The following SPMAP2L variants were observed in gnomAD, a reference collection of about 807,000 sequenced individuals.
The protein encoded by SPMAP2L is sperm microtubule associated protein 2 like.
At chr4:56,570,647 T>C in the SPMAP2L span, among the ~76,000 whole-genome samples, 1 of 151,880 alleles carries the variant, frequency 6.6e-6, no homozygotes, top group Admixed American at 6.6e-5. Context: ...AGTGAGGGAG[T>C]GGTGAGTGAA....
the SPMAP2L span, chr4:56,575,687 C>T: frequency 1.3e-6 from 2 of 1,514,290 alleles, no homozygotes; most frequent in Non-Finnish European, 1.8e-6. Context: ...CTAATTTGGC[C>T]AGATGTCTTA....
the SPMAP2L span, chr4:56,584,670 C>A: frequency 1.7e-6 from 2 of 1,145,154 alleles, no homozygotes; most frequent in South Asian, 1.3e-5. Flanking sequence ...GCTGCCTACC[C>A]TCTTTTTCTA....
the SPMAP2L span, among the ~76,000 whole-genome samples, chr4:56,601,559 C>T: frequency 6.6e-6 from 1 of 151,758 alleles, no homozygotes; most frequent in African/African-American, 2.4e-5. Context: ...AGGAGTTTGA[C>T]ATCAGCCTAG....
chr4:56,593,391 G>T, the SPMAP2L span: 4 of 1,326,238 alleles, frequency 3.0e-6, no homozygotes, highest in Non-Finnish European at 4.4e-6. Context: ...TCATTGAGCT[G>T]AAGTTACCCT....
At chr4:56,580,626 T>A in the SPMAP2L span, among the ~76,000 whole-genome samples, 3 of 151,172 alleles carry the variant, frequency 2.0e-5, no homozygotes, top group Non-Finnish European at 4.4e-5. Context: ...ACCAGGGCAA[T>A]TAGGCATGAA....
the SPMAP2L span, chr4:56,593,095 G>A: frequency 3.2e-6 from 5 of 1,578,980 alleles, no homozygotes; most frequent in Non-Finnish European, 8.7e-7. Flanking sequence ...TGCCACAGAC[G>A]ATTTTGCGGA....
chr4:56,600,910 T>C, the SPMAP2L span: 1 of 1,522,798 alleles, frequency 6.6e-7, no homozygotes, highest in Non-Finnish European at 8.8e-7. Context: ...GATATATTTT[T>C]GTGTCTCTTT....
the SPMAP2L span, among the ~76,000 whole-genome samples, chr4:56,537,076 T>G: frequency 4.7e-3 from 708 of 152,170 alleles, 5 homozygotes; most frequent in African/African-American, 0.016. Flanking sequence ...TGTATTAGTA[T>G]TATTATCTCA....
At chr4:56,577,538 A>G in the SPMAP2L span, among the ~76,000 whole-genome samples, 1 of 152,110 alleles carries the variant, frequency 6.6e-6, no homozygotes, top group African/African-American at 2.4e-5. Context: ...GTGAGCAGAG[A>G]TTGCGCCACT....
At chr4:56,600,356 T>C in the SPMAP2L span, among the ~76,000 whole-genome samples, 2 of 152,086 alleles carry the variant, frequency 1.3e-5, no homozygotes, top group African/African-American at 4.8e-5. Context: ...TGCTGTAGTG[T>C]GATCTTGGCT....
At chr4:56,583,302 G>T in the SPMAP2L span, among the ~76,000 whole-genome samples, 1 of 146,870 alleles carries the variant, frequency 6.8e-6, no homozygotes, top group Non-Finnish European at 1.5e-5. Context: ...AAAAAAAAAA[G>T]AAATTCCGGA....
chr4:56,601,741 A>G, the SPMAP2L span, among the ~76,000 whole-genome samples: 1 of 152,194 alleles, frequency 6.6e-6, no homozygotes, highest in African/African-American at 2.4e-5. Flanking sequence ...CAGGCAGCAG[A>G]GTAAGACCTT....
At chr4:56,549,144 A>G in the SPMAP2L span, among the ~76,000 whole-genome samples, 19 of 151,796 alleles carry the variant, frequency 1.3e-4, no homozygotes, top group African/African-American at 4.6e-4. Context: ...ATGTGCCACC[A>G]CACCCAGCTA....
the SPMAP2L span, chr4:56,531,249 TC>T: frequency 6.9e-7 from 1 of 1,440,552 alleles, no homozygotes; most frequent in Non-Finnish European, 9.1e-7. Context: ...CCACGCCCCA[TC>T]TAGAACCGGG....
the SPMAP2L span, chr4:56,594,648 A>G: frequency 1.5e-6 from 2 of 1,337,326 alleles, no homozygotes; most frequent in Non-Finnish European, 2.2e-6. Flanking sequence ...GCAGGCATGA[A>G]GATTCAGCCT....
At chr4:56,531,833 C>T in the SPMAP2L span, among the ~76,000 whole-genome samples, 2 of 152,160 alleles carry the variant, frequency 1.3e-5, no homozygotes, top group African/African-American at 2.4e-5. Context: ...CTCATTGGAC[C>T]GCCAATCTTT....
At chr4:56,532,246 T>C in the SPMAP2L span, among the ~76,000 whole-genome samples, 3 of 152,010 alleles carry the variant, frequency 2.0e-5, no homozygotes, top group Non-Finnish European at 4.4e-5. Flanking sequence ...TGCCCCATTC[T>C]TTATCGAGAA....
chr4:56,534,030 T>G, the SPMAP2L span, among the ~76,000 whole-genome samples: 2 of 152,284 alleles, frequency 1.3e-5, no homozygotes, highest in African/African-American at 4.8e-5. Context: ...ACTCTTATCT[T>G]TAAGAAACCC....
the SPMAP2L span, among the ~76,000 whole-genome samples, chr4:56,581,920 GA>G: frequency 6.6e-6 from 1 of 152,054 alleles, no homozygotes; most frequent in African/African-American, 2.4e-5. Context: ...GTTTAATGGG[GA>G]AAAAATAGTA....
Sources: gnomAD v4.1 joint callset for allele counts (sites outside exome capture counted in the v4.1 genomes callset) on GRCh38, gnomAD v4.1.1 for gene constraint, MANE v1.5 for transcripts, NCBI Gene and HGNC (gene_info 2026-07-23, HGNC 2026-07-21) for gene names.